Variants in FBRSL1 observed in about 807,000 individuals in gnomAD.
The protein encoded by FBRSL1 is fibrosin like 1, also known as fibrosin-1-like protein.
In FBRSL1, 51 loss-of-function variants were observed where a neutral mutation model predicts 89.6. The ratio of observed to expected loss-of-function variants is 0.57; its 90% CI spans 0.45 to 0.72. The LOEUF (loss-of-function observed/expected upper bound fraction) is 0.72. Ranked by LOEUF, FBRSL1 falls within the 30% of genes least tolerant of loss-of-function variation. The pLI, the probability that FBRSL1 is intolerant of heterozygous loss-of-function variation, is 0.00. For synonymous variants in FBRSL1, 779 were observed against 681.1 expected (o/e 1.14, Z -2.24); for missense variants, 1,618 against 1,451.8 (o/e 1.11, Z -1.86).
chr12:132,561,638 C>T (rs955343289), intron 5 of FBRSL1, among the ~76,000 whole-genome samples: 1 of 152,142 alleles, frequency 6.6e-6, no homozygotes, highest in Non-Finnish European at 1.5e-5. Context: ...CGTGGTGGGG[C>T]CTGCTGCCCC....
chr12:132,564,854 C>A (rs1477753366), intron 5 of FBRSL1, among the ~76,000 whole-genome samples: 1 of 151,798 alleles, frequency 6.6e-6, no homozygotes, highest in Admixed American at 6.6e-5. Flanking sequence ...TGGTCTCGAT[C>A]TGCTGACCTC....
At chr12:132,504,488 C>A (rs989095866) in intron 1 of FBRSL1, among the ~76,000 whole-genome samples, 2 of 152,170 alleles carry the variant, frequency 1.3e-5, no homozygotes, top group Non-Finnish European at 2.9e-5. Context: ...ACTGGGGGTG[C>A]TGGCGCCACT....
At chr12:132,506,001 G>A (rs996627602) in intron 1 of FBRSL1, among the ~76,000 whole-genome samples, 1 of 152,276 alleles carries the variant, frequency 6.6e-6, no homozygotes, top group Admixed American at 6.5e-5. Flanking sequence ...CACAGGGGCT[G>A]CGCCTGGAGC....
rs1451475411 is a variant in FBRSL1, at chr12:132,570,261, C to T, written c.1007+20C>T. The T allele has an allele frequency of 1.2e-5, 18 of 1,496,742 alleles. No individual in the cohort carries two copies. The Admixed American group carries it at 3.1e-4, about 26-fold the overall frequency. 92.7% of individuals were successfully genotyped at this position (1,496,742 alleles called of 1,614,324 possible). A position where few individuals can be genotyped will look rare whatever the true frequency, so the allele number is the denominator to read the frequency against. ...CCTCAGGTGGGGTCCCCGCGGGGGA[C>T]GGGGCCTGTGTGGTCTCAGGATGGG... On this transcript the variant is annotated intron_variant, in intron 7 of 18. Transcript: ENST00000680143.
Position 132,584,331 on chromosome 12 carries a change from TTTC to T in FBRSL1, c.*556_*558del, listed in dbSNP as rs2040994862. On this transcript the variant is annotated 3_prime_UTR_variant, in exon 19 of 19. Coordinates refer to ENST00000680143, the MANE Select transcript of FBRSL1 (RefSeq NM_001367871.1). ...TTTGCCTTATTATGCAGAAGTGTAA[TTTC>T]TTTTTTGGTTTGTTTTTTTAAAAGC... The T allele has an allele frequency of 6.6e-6, 1 of 152,338 alleles. No individual in the cohort carries two copies. Among genetic ancestry groups the T allele is most frequent in the South Asian group, 2.1e-4 (1 of 4,830 alleles). 9.4% of individuals were successfully genotyped at this position (152,338 alleles called of 1,614,324 possible). A position where few individuals can be genotyped will look rare whatever the true frequency, so the allele number is the denominator to read the frequency against.
chr12:132,571,311 C>T (rs914136236), intron 9 of FBRSL1, 80 bp downstream of exon 9: 18 of 1,536,174 alleles, frequency 1.2e-5, no homozygotes, highest in Non-Finnish European at 1.6e-5. Flanking sequence ...TTGTAGATCA[C>T]GAGCTGCTCA....
chr12:132,563,596 GT>G (rs1322014713), intron 5 of FBRSL1, among the ~76,000 whole-genome samples: 1 of 152,094 alleles, frequency 6.6e-6, no homozygotes, highest in African/African-American at 2.4e-5. Context: ...ACATCTTTTT[GT>G]TGGTTTCCAA....
intron 4 of FBRSL1, among the ~76,000 whole-genome samples, chr12:132,538,177 C>T (rs546018851): frequency 6.9e-4 from 105 of 152,280 alleles, no homozygotes; most frequent in African/African-American, 2.4e-3. Context: ...GGTCCTGAGA[C>T]GGAAGGGGCC....
chr12:132,536,044 CAG>C (rs561952993), intron 4 of FBRSL1, among the ~76,000 whole-genome samples: 7 of 150,888 alleles, frequency 4.6e-5, no homozygotes, highest in Admixed American at 6.6e-5. Context: ...ATGTACATGA[CAG>C]TGTGTGTGCC....
intron 4 of FBRSL1, among the ~76,000 whole-genome samples, chr12:132,534,832 C>A (rs2036579001): frequency 2.0e-5 from 3 of 152,216 alleles, no homozygotes; most frequent in Admixed American, 2.0e-4. Context: ...CAGGTCAGAG[C>A]CCCCCAGCCC....
At position 132,574,077 on chromosome 12, in the gene FBRSL1, T is replaced by C; in HGVS notation, c.1531-13T>C. The stretch of plus-strand genomic sequence containing the variant: ...GCCCCAGGCGCACACAAGCTGTCTC[T>C]TTCTCCCCTCAGACTTCAAGCCCCA... On this transcript the variant is annotated splice_polypyrimidine_tract_variant and intron_variant, in intron 11 of 18. Coordinates refer to ENST00000680143, the MANE Select transcript of FBRSL1 (RefSeq NM_001367871.1). 1 of 1,283,788 alleles carries C rather than the reference T, an allele frequency of 7.8e-7. No individual in the cohort carries two copies. The highest frequency in any genetic ancestry group is 9.8e-7 in the Non-Finnish European group (1 of 1,015,502). The allele number at this position is 1,283,788 out of a possible 1,614,324, so 79.5% of individuals were successfully genotyped here. A position where few individuals can be genotyped will look rare whatever the true frequency, so the allele number is the denominator to read the frequency against.
intron 1 of FBRSL1, among the ~76,000 whole-genome samples, chr12:132,492,213 C>G (rs1332113752): frequency 6.6e-6 from 1 of 152,236 alleles, no homozygotes; most frequent in Non-Finnish European, 1.5e-5. Context: ...TCCCTAACCG[C>G]GGCTTCCTCA....
chr12:132,570,040 C>T lies in FBRSL1; in HGVS notation c.806C>T (p.Pro269Leu), dbSNP rs1162049157. Residue 269 changes from proline to leucine, a missense_variant, in exon 7 of 19, where the codon CCC becomes CTC. Transcript: ENST00000680143. ...ESFLPTASPA[P>L]HAAPCPGPPP... ...TTCCTGCCCACTGCCAGCCCCGCGC[C>T]CCATGCCGCGCCCTGCCCGGGGCCC... 5 of 1,510,992 alleles carry T rather than the reference C, an allele frequency of 3.3e-6. No homozygotes were observed. The highest frequency in any genetic ancestry group is 4.4e-6 in the Non-Finnish European group (5 of 1,136,224). 93.6% of individuals were successfully genotyped at this position (1,510,992 alleles called of 1,614,324 possible).
chr12:132,516,730 A>C (rs1048461549), intron 2 of FBRSL1, among the ~76,000 whole-genome samples: 2 of 152,166 alleles, frequency 1.3e-5, no homozygotes, highest in African/African-American at 4.8e-5. Context: ...GCCTGTAAAT[A>C]ACTTGCCCAA....
chr12:132,514,143 C>T (rs1430708537), intron 2 of FBRSL1, among the ~76,000 whole-genome samples: 1 of 152,200 alleles, frequency 6.6e-6, no homozygotes, highest in Admixed American at 6.5e-5. Flanking sequence ...GGGCTCGGCT[C>T]CTCCGTGTGT....
chr12:132,521,058 G>A (rs2035307675), intron 2 of FBRSL1, among the ~76,000 whole-genome samples: 1 of 152,248 alleles, frequency 6.6e-6, no homozygotes, highest in Non-Finnish European at 1.5e-5. Context: ...GTCCCCTGAG[G>A]CTGCTCAACC....
chr12:132,565,275 T>C (rs1202989054), intron 5 of FBRSL1: 1 of 152,236 alleles, frequency 6.6e-6, no homozygotes, highest in East Asian at 1.9e-4. Context: ...CCTAGTCTCT[T>C]GTGCCCTCCA....
At chr12:132,511,317 C>A in intron 2 of FBRSL1, 1 of 985,774 alleles carries the variant, frequency 1.0e-6, no homozygotes, top group Non-Finnish European at 1.2e-6. Flanking sequence ...CCACAGTCCC[C>A]TGCAGCGTCC....
intron 9 of FBRSL1, chr12:132,571,751 A>G (rs2040028126): frequency 5.7e-6 from 2 of 353,310 alleles, no homozygotes; most frequent in Admixed American, 9.7e-5. Context: ...TTAGGCAGGC[A>G]CCCCGTGCCC....
Sources: gnomAD v4.1 joint callset for allele counts (sites outside exome capture counted in the v4.1 genomes callset) on GRCh38, gnomAD v4.1.1 for gene constraint, MANE v1.5 for transcripts, NCBI Gene and HGNC (gene_info 2026-07-23, HGNC 2026-07-21) for gene names.